IMPG1: variants seen among roughly 807,000 people sequenced by gnomAD.
The protein encoded by IMPG1 is interphotoreceptor matrix proteoglycan of 150 kDa.
A neutral mutation model predicts 92.0 loss-of-function variants in IMPG1; 85 were observed. The ratio of observed to expected loss-of-function variants is 0.92; its 90% confidence interval spans 0.78 to 1.11. The LOEUF is 1.11. IMPG1 is among the 50% of genes least tolerant of loss of function. IMPG1 has a pLI of 0.00. For missense variants in IMPG1, 1,022 were observed against 956.0 expected (o/e 1.07, Z -0.91); for synonymous variants, 367 against 334.1 (o/e 1.10, Z -1.08).
chr6:76,027,279 T>C (rs2148261), intron 4 of IMPG1, among the ~76,000 whole-genome samples: 88,072 of 152,100 alleles, frequency 0.58, 26,096 homozygotes, highest in Non-Finnish European at 0.64. Context: ...TTGAGAACTG[T>C]CTGTCTTGTT....
chr6:76,002,861 G>A (rs1328281439), intron 12 of IMPG1, 57 bp downstream of exon 12: 1 of 1,317,186 alleles, frequency 7.6e-7, no homozygotes, highest in Non-Finnish European at 1.1e-6. Flanking sequence ...GTATCATAAT[G>A]GGATTCCTCA....
intron 1 of IMPG1, among the ~76,000 whole-genome samples, chr6:76,052,635 A>T (rs890420263): frequency 3.3e-5 from 5 of 152,194 alleles, no homozygotes; most frequent in Non-Finnish European, 5.9e-5. Flanking sequence ...TTCTTCATGG[A>T]GTACTAAATT....
At chr6:75,974,451 T>TCCTTC (rs1224036118) in intron 12 of IMPG1, among the ~76,000 whole-genome samples, 14 of 133,102 alleles carry the variant, frequency 1.1e-4, no homozygotes, top group African/African-American at 2.4e-4. Context: ...CTTCCTTCCT[T>TCCTTC]CTTTCTTCTT....
At chr6:75,934,634 T>G (rs776926565) in intron 14 of IMPG1, among the ~76,000 whole-genome samples, 1 of 152,162 alleles carries the variant, frequency 6.6e-6, no homozygotes, top group South Asian at 2.1e-4. Flanking sequence ...AGATCATAGG[T>G]CCCTGTTGGT....
At chr6:76,030,657 A>C (rs1926102) in intron 4 of IMPG1, among the ~76,000 whole-genome samples, 81,396 of 151,836 alleles carry the variant, frequency 0.54, 23,236 homozygotes, top group Non-Finnish European at 0.64. Flanking sequence ...GACTCCAAAC[A>C]GTCATGCAAC....
intron 1 of IMPG1, among the ~76,000 whole-genome samples, chr6:76,052,071 C>T (rs1784052032): frequency 6.6e-6 from 1 of 151,808 alleles, no homozygotes; most frequent in Non-Finnish European, 1.5e-5. Flanking sequence ...AGGGCCTATG[C>T]AGTGTAGTGA....
intron 15 of IMPG1, among the ~76,000 whole-genome samples, chr6:75,925,768 C>T (rs562458679): frequency 2.0e-5 from 3 of 152,232 alleles, no homozygotes; most frequent in South Asian, 2.1e-4. Flanking sequence ...CAGGTTCAAG[C>T]GATTCTCCTG....
At chr6:75,979,067 C>T (rs1424970384) in intron 12 of IMPG1, among the ~76,000 whole-genome samples, 1 of 152,070 alleles carries the variant, frequency 6.6e-6, no homozygotes, top group Non-Finnish European at 1.5e-5. Context: ...TGTGTGCCAC[C>T]ATACCTACCT....
chr6:75,950,193 C>G (rs776486034), intron 13 of IMPG1, among the ~76,000 whole-genome samples: 22 of 152,054 alleles, frequency 1.4e-4, no homozygotes, highest in African/African-American at 4.8e-4. Flanking sequence ...AACTTTGTAC[C>G]CTTTCATGAG....
In IMPG1 at chr6:76,007,500, T is replaced by A. The variant is rs1412121990; in HGVS notation, c.867A>T (p.Arg289Ser). 3.1e-6 allele frequency: 5 copies of A among 1,598,276 alleles called. No homozygotes were observed. The South Asian group carries it at 5.6e-5, about 18-fold the overall frequency. The change falls in exon 9 of 17, where the codon AGA becomes AGT. Residue 289 changes from arginine (R) to serine (S), a missense_variant and splice_region_variant. By Grantham distance (110) the Arg-to-Ser change is moderately radical. This residue lies in a region of IMPG1 where 681 missense variants were observed against 583.6 expected (regional missense o/e 1.17). Transcript: ENST00000369950. The stretch of plus-strand genomic sequence containing the variant: ...ATTACCCATCTTTTTCTTTCTTTGG[T>A]CTTCATTTCATCATGCACAATGGAA... ...GFKKIHVLGF[R>S]PKKEKDGSSS...
At chr6:76,070,386 C>T (rs960485950) in intron 1 of IMPG1, among the ~76,000 whole-genome samples, 2 of 152,106 alleles carry the variant, frequency 1.3e-5, no homozygotes, top group Admixed American at 6.6e-5. Flanking sequence ...ATTAGTACGA[C>T]CTCTATGGAA....
intron 15 of IMPG1, among the ~76,000 whole-genome samples, chr6:75,929,172 A>G (rs1781618590): frequency 6.6e-6 from 1 of 152,164 alleles, no homozygotes; most frequent in Non-Finnish European, 1.5e-5. Context: ...ATAGATAATG[A>G]CAAATTTCTT....
At chr6:75,992,303 C>CCT (rs1782825531) in intron 12 of IMPG1, among the ~76,000 whole-genome samples, 1 of 152,032 alleles carries the variant, frequency 6.6e-6, no homozygotes, top group African/African-American at 2.4e-5. Flanking sequence ...TCTCTCTCTC[C>CCT]CTCTCTCTCT....
At chr6:76,053,377 CAT>C (rs920590288) in intron 1 of IMPG1, among the ~76,000 whole-genome samples, 1 of 152,094 alleles carries the variant, frequency 6.6e-6, no homozygotes, top group Admixed American at 6.6e-5. Context: ...AGATTCAGCC[CAT>C]GATATTTGAA....
At chr6:76,047,579 C>T (rs1783968289) in intron 1 of IMPG1, among the ~76,000 whole-genome samples, 1 of 152,122 alleles carries the variant, frequency 6.6e-6, no homozygotes. Context: ...CTGCAAATAC[C>T]TTTGGGATCT....
chr6:75,922,308 C>T, intron 16 of IMPG1, 142 bp from the exon 17 acceptor site: 1 of 564,726 alleles, frequency 1.8e-6, no homozygotes, highest in Non-Finnish European at 3.2e-6. Context: ...AAGATGGCCT[C>T]AAAATATTCT....
chr6:76,070,401 A>G (rs1357101123), intron 1 of IMPG1, among the ~76,000 whole-genome samples: 3 of 152,122 alleles, frequency 2.0e-5, no homozygotes, highest in Non-Finnish European at 4.4e-5. Context: ...ATGGAAAACA[A>G]TATGGAGATT....
intron 4 of IMPG1, among the ~76,000 whole-genome samples, chr6:76,031,003 G>A (rs1382357918): frequency 6.6e-6 from 1 of 152,076 alleles, no homozygotes; most frequent in Non-Finnish European, 1.5e-5. Context: ...AAGCAGTCTA[G>A]TTAGGTGAGT....
rs1358218204 is a variant in IMPG1, at chr6:75,950,804, G to A, written c.1582C>T (p.Pro528Ser). The change falls in exon 13 of 17, where the codon CCT becomes TCT. Residue 528 changes from proline (P) to serine (S), a missense_variant. By Grantham distance (74) the Pro-to-Ser change is moderately conservative. This residue lies in a region of IMPG1 where 332 missense variants were observed against 346.2 expected (regional missense o/e 0.96). Transcript: ENST00000369950. ...AGCTCTGGTACCTCAGATGGGGCAG[G>A]AGTGTCAGACAGATCCATTTCATCT... is the stretch of plus-strand genomic sequence containing the variant. ...HLDEMDLSDTPAPSEVPELSE... is the reference protein window; with the variant it reads ...HLDEMDLSDTSAPSEVPELSE... The A allele has an allele frequency of 3.1e-6, 5 of 1,613,956 alleles. No homozygotes were observed. Among genetic ancestry groups the A allele is most frequent in the Non-Finnish European group, 4.2e-6 (5 of 1,179,924 alleles).
Sources: gnomAD v4.1 joint callset for allele counts (sites outside exome capture counted in the v4.1 genomes callset) on GRCh38, gnomAD v4.1.1 for gene constraint, gnomAD v4.1.1 regional missense constraint, MANE v1.5 for transcripts, NCBI Gene and HGNC (gene_info 2026-07-23, HGNC 2026-07-21) for gene names.